The following FSD1L variants were observed in gnomAD, a reference collection of about 807,000 sequenced individuals.
FSD1L encodes FSD1-like protein.
A neutral mutation model predicts 71.6 loss-of-function variants in FSD1L; 45 were observed. That is an observed-to-expected ratio of 0.63 (90% CI 0.49 to 0.81). The LOEUF is 0.81. FSD1L is among the 30% of genes least tolerant of loss of function. The probability of loss-of-function intolerance (pLI) is 0.00; values close to 1 mark genes in which losing one functional copy is unlikely to be tolerated. For missense variants in FSD1L, 561 were observed against 618.1 expected (o/e 0.91, Z 0.98); for synonymous variants, 197 against 207.2 (o/e 0.95, Z 0.42).
chr9:105,471,233 C>G (rs1831434520), intron 4 of FSD1L, among the ~76,000 whole-genome samples: 1 of 152,162 alleles, frequency 6.6e-6, no homozygotes, highest in African/African-American at 2.4e-5. Flanking sequence ...GATCAACCCC[C>G]TAGCCATCCC....
At chr9:105,517,166 T>C (rs1023292044) in intron 10 of FSD1L, among the ~76,000 whole-genome samples, 2 of 152,144 alleles carry the variant, frequency 1.3e-5, no homozygotes, top group South Asian at 2.1e-4. Flanking sequence ...CCAAGAAATA[T>C]GGGACTATGT....
chr9:105,526,996 A>G lies in FSD1L; in HGVS notation c.1026-7497A>G, dbSNP rs555151351. Among the ~76,000 whole-genome samples, 818 of 147,804 alleles carry G rather than the reference A, an allele frequency of 5.5e-3. 7 individuals carry two copies. The highest frequency in any genetic ancestry group is 0.02 in the African/African-American group (786 of 39,378). ...AAAGATGTACCTGTTAATACACAGA[A>G]TGTGTACAGATTATTTGTTATGACA... On this transcript the variant is annotated intron_variant, in intron 10 of 13. Transcript: ENST00000481272.
At chr9:105,451,863 A>C (rs1261831883) in intron 1 of FSD1L, among the ~76,000 whole-genome samples, 2 of 152,174 alleles carry the variant, frequency 1.3e-5, no homozygotes, top group Non-Finnish European at 2.9e-5. Flanking sequence ...TTTTGTACAG[A>C]TTATTCACAT....
chr9:105,452,717 T>TCCTTC (rs869289492), intron 1 of FSD1L, among the ~76,000 whole-genome samples: 1 of 149,856 alleles, frequency 6.7e-6, no homozygotes, highest in Non-Finnish European at 1.5e-5. Flanking sequence ...CTTCCTTCCT[T>TCCTTC]CTTTCCTTCT....
chr9:105,499,593 T>C (rs1833644028), intron 7 of FSD1L, among the ~76,000 whole-genome samples: 1 of 151,898 alleles, frequency 6.6e-6, no homozygotes, highest in Non-Finnish European at 1.5e-5. Context: ...TTCTTTCAAG[T>C]GTTTTCCTTG....
chr9:105,504,437 T>A (rs1328255507), intron 7 of FSD1L, among the ~76,000 whole-genome samples: 2 of 152,240 alleles, frequency 1.3e-5, no homozygotes, highest in Non-Finnish European at 2.9e-5. Flanking sequence ...TGGAAATGGA[T>A]CATCCTTTCT....
chr9:105,466,474 C>CCTG (rs1178138191), intron 3 of FSD1L, among the ~76,000 whole-genome samples: 1 of 152,108 alleles, frequency 6.6e-6, no homozygotes, highest in Non-Finnish European at 1.5e-5. Context: ...AGGTGGATCA[C>CCTG]CTGAAGTCAG....
At chr9:105,521,401 T>A in intron 10 of FSD1L, 3 of 1,614,194 alleles carry the variant, frequency 1.9e-6, no homozygotes, top group Non-Finnish European at 2.5e-6. Flanking sequence ...TCATCTAGTC[T>A]CTGTAGTATT....
At chr9:105,510,988 C>CTTT (rs374059344) in intron 9 of FSD1L, among the ~76,000 whole-genome samples, 7 of 140,696 alleles carry the variant, frequency 5.0e-5, no homozygotes, top group Admixed American at 3.6e-4. Context: ...TGAGGCTAGT[C>CTTT]TTTTTTTTTT....
At chr9:105,528,653 G>A (rs571334148) in intron 10 of FSD1L, among the ~76,000 whole-genome samples, 1 of 151,996 alleles carries the variant, frequency 6.6e-6, no homozygotes, top group South Asian at 2.1e-4. Context: ...AAGACTTAAA[G>A]ATAAGACCTA....
At chr9:105,494,260 A>G (rs1224697552) in intron 7 of FSD1L, among the ~76,000 whole-genome samples, 1 of 151,776 alleles carries the variant, frequency 6.6e-6, no homozygotes, top group Non-Finnish European at 1.5e-5. Flanking sequence ...TTCATCTTCC[A>G]TTGCTGATAC....
At chr9:105,466,558 T>C (rs763352493) in intron 3 of FSD1L, among the ~76,000 whole-genome samples, 7 of 152,102 alleles carry the variant, frequency 4.6e-5, no homozygotes, top group Non-Finnish European at 1.0e-4. Context: ...CTGGTCGTGG[T>C]GGCAAGCGCC....
At chr9:105,535,000 T>TG in intron 11 of FSD1L, 67 bp from the exon 12 acceptor site, 1 of 1,482,432 alleles carries the variant, frequency 6.7e-7, no homozygotes, top group Non-Finnish European at 9.2e-7. Context: ...TTGGGACGAG[T>TG]GGTAGGTAAA....
intron 9 of FSD1L, among the ~76,000 whole-genome samples, chr9:105,511,589 G>T (rs1834398242): frequency 6.6e-6 from 1 of 152,092 alleles, no homozygotes; most frequent in South Asian, 2.1e-4. Context: ...AAATGCAGAT[G>T]TTGAAAGCTG....
chr9:105,513,079 C>G, intron 10 of FSD1L, 143 bp downstream of exon 10: 1 of 637,272 alleles, frequency 1.6e-6, no homozygotes, highest in Non-Finnish European at 2.4e-6. Flanking sequence ...GAATATAATA[C>G]TATTTGTCAG....
chr9:105,517,238 T>C (rs934069473), intron 10 of FSD1L, among the ~76,000 whole-genome samples: 1 of 152,180 alleles, frequency 6.6e-6, no homozygotes, highest in African/African-American at 2.4e-5. Flanking sequence ...TGGAACCAAG[T>C]TGGAAACACT....
intron 10 of FSD1L, chr9:105,530,928 G>C: frequency 5.1e-6 from 1 of 195,246 alleles, no homozygotes; most frequent in Non-Finnish European, 1.0e-5. Flanking sequence ...TGAGGATACA[G>C]AGATGAGATG....
chr9:105,506,859 C>T (rs899436575), intron 8 of FSD1L, among the ~76,000 whole-genome samples: 2 of 151,744 alleles, frequency 1.3e-5, no homozygotes, highest in Non-Finnish European at 2.9e-5. Context: ...GCAACCTCCG[C>T]CTCCTGGGTT....
chr9:105,500,457 C>A (rs1833695621), intron 7 of FSD1L, among the ~76,000 whole-genome samples: 1 of 152,144 alleles, frequency 6.6e-6, no homozygotes, highest in African/African-American at 2.4e-5. Context: ...TCCCTTTGCC[C>A]ACATGGAGTA....
Sources: allele counts gnomAD v4.1 joint callset (sites outside exome capture counted in the v4.1 genomes callset), GRCh38; gene constraint gnomAD v4.1.1; transcripts MANE v1.5; gene names NCBI Gene and HGNC (gene_info 2026-07-23, HGNC 2026-07-21).